Variants in FBP2 observed in about 807,000 individuals in gnomAD.
FBP2 encodes fructose-1,6-bisphosphatase isozyme 2.
A neutral mutation model predicts 31.6 loss-of-function variants in FBP2; 27 were observed. The observed-to-expected ratio is 0.85, with a 90% CI of 0.63 to 1.18. FBP2 has a LOEUF of 1.18. Ranked by LOEUF, FBP2 falls within the 50% of genes most tolerant of loss-of-function variation. The pLI is 0.00. For missense variants in FBP2, 421 were observed against 436.1 expected (o/e 0.97, Z 0.31); for synonymous variants, 168 against 179.8 (o/e 0.93, Z 0.53).
intron 2 of FBP2, among the ~76,000 whole-genome samples, chr9:94,585,178 G>GT (rs1003512396): frequency 8.6e-5 from 13 of 151,734 alleles, no homozygotes; most frequent in African/African-American, 2.7e-4. Flanking sequence ...CTTTGTTTCT[G>GT]TTTTTTTTCC....
chr9:94,562,691 T>C (rs1432250711), intron 6 of FBP2, among the ~76,000 whole-genome samples: 1 of 152,208 alleles, frequency 6.6e-6, no homozygotes, highest in African/African-American at 2.4e-5. Context: ...TGGCTAAAAT[T>C]CAGATGCATT....
At chr9:94,565,736 T>TGATA (rs34525238) in intron 5 of FBP2, among the ~76,000 whole-genome samples, 5 of 150,320 alleles carry the variant, frequency 3.3e-5, no homozygotes, top group South Asian at 2.1e-4. Context: ...GGTAGATAGA[T>TGATA]GATAGATAGA....
At chr9:94,584,424 C>T (rs1370736129) in intron 3 of FBP2, among the ~76,000 whole-genome samples, 153 bp downstream of exon 3, 3 of 152,112 alleles carry the variant, frequency 2.0e-5, no homozygotes, top group African/African-American at 7.2e-5. Context: ...AATGAGGAGC[C>T]CCAGGCAGAG....
intron 3 of FBP2, among the ~76,000 whole-genome samples, chr9:94,573,945 T>G (rs1221718294): frequency 1.3e-5 from 2 of 152,192 alleles, no homozygotes; most frequent in Non-Finnish European, 2.9e-5. Flanking sequence ...GGAGATTTCT[T>G]TTCTTGGGCA....
chr9:94,561,350 GTATTTTTT>G (rs1487291146), intron 6 of FBP2, among the ~76,000 whole-genome samples: 1 of 59,796 alleles, frequency 1.7e-5, no homozygotes, highest in African/African-American at 4.9e-5. Flanking sequence ...CATGTGACCT[GTATTTTTT>G]TTTTTTTTTT....
intron 1 of FBP2, among the ~76,000 whole-genome samples, chr9:94,590,990 C>CTTA (rs1226152181): frequency 2.0e-5 from 3 of 152,270 alleles, no homozygotes; most frequent in African/African-American, 7.2e-5. Flanking sequence ...TTGAGCTAAA[C>CTTA]ACAGGGTGCT....
intron 6 of FBP2, among the ~76,000 whole-genome samples, chr9:94,561,312 A>G (rs1319332719): frequency 6.9e-6 from 1 of 145,474 alleles, no homozygotes; most frequent in Non-Finnish European, 1.5e-5. Context: ...CCAGGGCTTC[A>G]TGGCACCTTG....
Position 94,558,767 on chromosome 9 carries a change from A to G in FBP2, c.*171T>C. The stretch of plus-strand genomic sequence containing the variant: ...TCTAGTCCTTCACATTGACCATAGA[A>G]TCGCCTGTGGCTTCCAAACCTGTCG... On this transcript the variant is annotated 3_prime_UTR_variant, in exon 7 of 7. Coordinates refer to ENST00000375337, the MANE Select transcript of FBP2 (RefSeq NM_003837.4). The G allele has an allele frequency of 1.6e-6, 1 of 625,384 alleles. No individual in the cohort carries two copies. The highest frequency in any genetic ancestry group is 2.9e-5 in the East Asian group (1 of 34,602). 38.7% of individuals were successfully genotyped at this position (625,384 alleles called of 1,614,324 possible). A position where few individuals can be genotyped will look rare whatever the true frequency, so the allele number is the denominator to read the frequency against.
intron 4 of FBP2, chr9:94,567,776 CCAT>C (rs1827213457): frequency 5.1e-6 from 1 of 195,516 alleles, no homozygotes; most frequent in Admixed American, 5.4e-5. Flanking sequence ...GGAAGATAGG[CCAT>C]CAACAGTGAG....
intron 3 of FBP2, among the ~76,000 whole-genome samples, chr9:94,578,600 CA>C (rs1346269493): frequency 6.6e-6 from 1 of 151,792 alleles, no homozygotes; most frequent in African/African-American, 2.4e-5. Flanking sequence ...TATGGGAAAA[CA>C]TGGTTCTAAA....
chr9:94,566,503 C>G (rs10117289), intron 5 of FBP2, among the ~76,000 whole-genome samples: 6,203 of 152,250 alleles, frequency 0.041, 417 homozygotes, highest in African/African-American at 0.14. Flanking sequence ...TTTAGTTAAT[C>G]GAATATCTAT....
At chr9:94,579,333 G>A (rs1587843412) in intron 3 of FBP2, among the ~76,000 whole-genome samples, 1 of 144,994 alleles carries the variant, frequency 6.9e-6, no homozygotes, top group East Asian at 2.1e-4. Context: ...AGTAGGCGGA[G>A]CTTGCAGTGA....
At chr9:94,582,915 C>T (rs2945799) in intron 3 of FBP2, among the ~76,000 whole-genome samples, 35,128 of 138,608 alleles carry the variant, frequency 0.25, 5,247 homozygotes, top group South Asian at 0.36. Flanking sequence ...AGTGCAATGG[C>T]GCAATCTCAG....
intron 3 of FBP2, among the ~76,000 whole-genome samples, chr9:94,578,280 C>T (rs1827336125): frequency 6.6e-6 from 1 of 152,108 alleles, no homozygotes; most frequent in Admixed American, 6.6e-5. Flanking sequence ...GGCAAAATGA[C>T]CATGGATTTA....
chr9:94,563,733 CAA>C (rs1491342892), intron 5 of FBP2, among the ~76,000 whole-genome samples: 1 of 151,706 alleles, frequency 6.6e-6, no homozygotes, highest in Non-Finnish European at 1.5e-5. Flanking sequence ...GCTAAACAAA[CAA>C]AGAAAAAGGA....
chr9:94,590,659 T>C (rs1302779578), intron 1 of FBP2, among the ~76,000 whole-genome samples: 1 of 152,160 alleles, frequency 6.6e-6, no homozygotes, highest in Non-Finnish European at 1.5e-5. Flanking sequence ...AAAAGCAGCG[T>C]GGACCCAAAG....
intron 3 of FBP2, among the ~76,000 whole-genome samples, chr9:94,573,508 C>T (rs924117596): frequency 4.0e-5 from 5 of 124,676 alleles, no homozygotes; most frequent in Non-Finnish European, 8.4e-5. Flanking sequence ...ATCCTCCTAC[C>T]TCAGCAAGTT....
At chr9:94,559,825 GTAT>G (rs1587834283) in intron 6 of FBP2, among the ~76,000 whole-genome samples, 1 of 151,880 alleles carries the variant, frequency 6.6e-6, no homozygotes, top group East Asian at 1.9e-4. Flanking sequence ...TGTACTATCT[GTAT>G]TCTCAGTAGT....
chr9:94,583,896 C>G (rs560727296), intron 3 of FBP2, among the ~76,000 whole-genome samples: 1 of 152,270 alleles, frequency 6.6e-6, no homozygotes, highest in South Asian at 2.1e-4. Flanking sequence ...CGTGAGCCAC[C>G]GCAGCTGGCG....
Sources: gnomAD v4.1 joint callset for allele counts (sites outside exome capture counted in the v4.1 genomes callset) on GRCh38, gnomAD v4.1.1 for gene constraint, MANE v1.5 for transcripts, NCBI Gene and HGNC (gene_info 2026-07-23, HGNC 2026-07-21) for gene names.